Variants in LPP observed in about 807,000 individuals in gnomAD.
LPP encodes lipoma-preferred partner.
Under a neutral mutation model 60.4 loss-of-function variants are expected in LPP, and 38 were observed. The observed-to-expected ratio is 0.63, with a 90% CI of 0.49 to 0.83. LPP has a LOEUF of 0.83. Ranked by LOEUF, LPP falls within the 40% of genes least tolerant of loss-of-function variation. LPP has a pLI of 0.00. For synonymous variants in LPP, 328 were observed against 290.8 expected (o/e 1.13, Z -1.30); for missense variants, 902 against 783.6 (o/e 1.15, Z -1.80).
intron 3 of LPP, among the ~76,000 whole-genome samples, chr3:188,379,912 T>C (rs1776404656): frequency 1.3e-5 from 2 of 152,194 alleles, no homozygotes; most frequent in Admixed American, 1.3e-4. Flanking sequence ...CTAGGGCCTG[T>C]AGGGAATGTT....
intron 9 of LPP, among the ~76,000 whole-genome samples, chr3:188,786,106 C>T (rs1741768148): frequency 6.6e-6 from 1 of 151,792 alleles, no homozygotes; most frequent in Non-Finnish European, 1.5e-5. Context: ...CAGGCTGGGC[C>T]CGGTGGCTCA....
intron 6 of LPP, among the ~76,000 whole-genome samples, chr3:188,581,829 A>G (rs1836232949): frequency 6.6e-6 from 1 of 152,072 alleles, no homozygotes; most frequent in African/African-American, 2.4e-5. Flanking sequence ...TTTCTTCAGC[A>G]TATTTACCTT....
chr3:188,648,975 G>C (rs1300651760), intron 7 of LPP, among the ~76,000 whole-genome samples: 11 of 152,194 alleles, frequency 7.2e-5, no homozygotes, highest in African/African-American at 2.7e-4. Context: ...AGGGAAAAGA[G>C]TGTTTGCTTG....
intron 1 of LPP, chr3:188,180,083 A>AAATGGC (rs1724471966): frequency 6.5e-6 from 1 of 153,766 alleles, no homozygotes; most frequent in Admixed American, 6.4e-5. Flanking sequence ...ACCATTTTGT[A>AAATGGC]AATGGCAATG....
intron 9 of LPP, among the ~76,000 whole-genome samples, chr3:188,800,439 G>T (rs1240532453): frequency 6.6e-6 from 1 of 151,790 alleles, no homozygotes; most frequent in Non-Finnish European, 1.5e-5. Flanking sequence ...TAGAGGTGGG[G>T]TTTCATCGTG....
chr3:188,699,560 C>A (rs1863961321), intron 7 of LPP, among the ~76,000 whole-genome samples: 1 of 152,160 alleles, frequency 6.6e-6, no homozygotes, highest in Non-Finnish European at 1.5e-5. Flanking sequence ...AGTTTCAAAG[C>A]AAGAATCAAA....
chr3:188,478,849 G>A (rs947838218), intron 4 of LPP, among the ~76,000 whole-genome samples: 1 of 151,920 alleles, frequency 6.6e-6, no homozygotes, highest in Non-Finnish European at 1.5e-5. Context: ...TCCGCCTCCC[G>A]GTTCAAGCAA....
chr3:188,419,628 C>T (rs1787231570), intron 4 of LPP, among the ~76,000 whole-genome samples: 1 of 152,184 alleles, frequency 6.6e-6, no homozygotes, highest in African/African-American at 2.4e-5. Flanking sequence ...CGTGGTGGCT[C>T]ACGCCTGTAA....
intron 9 of LPP, among the ~76,000 whole-genome samples, chr3:188,761,272 G>A (rs1732245251): frequency 1.3e-5 from 2 of 152,170 alleles, no homozygotes; most frequent in African/African-American, 4.8e-5. Context: ...TATTGAAGAC[G>A]TTTTTGGCCT....
At chr3:188,156,561 C>T (rs564456265) in intron 1 of LPP, among the ~76,000 whole-genome samples, 10 of 152,174 alleles carry the variant, frequency 6.6e-5, no homozygotes, top group Admixed American at 2.0e-4. Flanking sequence ...TGGCTTGGCA[C>T]GATGGCTCAA....
intron 7 of LPP, among the ~76,000 whole-genome samples, chr3:188,706,487 C>A (rs1252499275): frequency 2.6e-5 from 4 of 152,140 alleles, no homozygotes; most frequent in Non-Finnish European, 5.9e-5. Flanking sequence ...CTTCAAATGT[C>A]TGTATATTTT....
chr3:188,830,357 C>T (rs1756821843), intron 9 of LPP, among the ~76,000 whole-genome samples: 1 of 150,532 alleles, frequency 6.6e-6, no homozygotes, highest in Non-Finnish European at 1.5e-5. Context: ...GTAATCCCAG[C>T]CCTTTGGGAG....
intron 1 of LPP, among the ~76,000 whole-genome samples, chr3:188,211,651 T>C (rs371486140): frequency 6.6e-6 from 1 of 152,198 alleles, no homozygotes; most frequent in East Asian, 1.9e-4. Context: ...CAAGTTAAAC[T>C]GAGCAATTCA....
At chr3:188,636,239 C>T (rs1266944076) in intron 7 of LPP, among the ~76,000 whole-genome samples, 3 of 152,214 alleles carry the variant, frequency 2.0e-5, no homozygotes, top group African/African-American at 4.8e-5. Flanking sequence ...CATTGCCTCA[C>T]TCGGGAAGCG....
intron 5 of LPP, among the ~76,000 whole-genome samples, chr3:188,505,820 C>A (rs1175669651): frequency 6.6e-6 from 1 of 152,198 alleles, no homozygotes; most frequent in Non-Finnish European, 1.5e-5. Context: ...CACATTCCAA[C>A]TGCATATCTG....
At chr3:188,461,688 G>T (rs567160438) in intron 4 of LPP, among the ~76,000 whole-genome samples, 1 of 152,100 alleles carries the variant, frequency 6.6e-6, no homozygotes, top group African/African-American at 2.4e-5. Flanking sequence ...TGTGGTTTTC[G>T]TTTTTTGACT....
At chr3:188,701,752 T>C (rs1864449043) in intron 7 of LPP, among the ~76,000 whole-genome samples, 1 of 127,312 alleles carries the variant, frequency 7.9e-6, no homozygotes, top group South Asian at 2.2e-4. Flanking sequence ...TCTGGCTGCG[T>C]TTTTTTTTTT....
At chr3:188,170,102 C>A (rs561707143) in intron 1 of LPP, among the ~76,000 whole-genome samples, 33 of 152,234 alleles carry the variant, frequency 2.2e-4, no homozygotes, top group African/African-American at 7.9e-4. Flanking sequence ...ATAATGTAGA[C>A]CAATTTTTAT....
intron 3 of LPP, among the ~76,000 whole-genome samples, chr3:188,370,334 A>G (rs935978139): frequency 6.6e-6 from 1 of 152,140 alleles, no homozygotes; most frequent in Middle Eastern, 3.2e-3. Context: ...CACCGCCTAC[A>G]AGTGGTGGGG....
Sources: allele counts gnomAD v4.1 joint callset (sites outside exome capture counted in the v4.1 genomes callset), GRCh38; gene constraint gnomAD v4.1.1; transcripts MANE v1.5; gene names NCBI Gene and HGNC (gene_info 2026-07-23, HGNC 2026-07-21).